Variants in CEP89 observed in about 807,000 individuals in gnomAD.
CEP89 encodes centrosomal protein of 89 kDa.
CEP89 carries 95 observed loss-of-function variants against 97.6 expected under a neutral mutation model. That is an observed-to-expected ratio of 0.97 (90% confidence interval 0.82 to 1.15). The LOEUF is 1.15. CEP89 is among the 50% of genes most tolerant of loss of function. The pLI is 0.00. For missense variants in CEP89, 869 were observed against 947.7 expected, an observed-to-expected ratio of 0.92 and a Z score of 1.09; for synonymous variants, 354 against 349.1, an observed-to-expected ratio of 1.01 and a Z score of -0.16.
In CEP89 at chr19:32,879,362, G is replaced by A. The variant is rs1388510126; in HGVS notation, c.2152C>T (p.Leu718Phe). ...AAGGTAGATTCCCAAATAACTTCAA[G>A]TTCACCTTCCATTTCTCTGAGGGAA... ...LQQNREMEGE[L>F]EVIWESTFRE... The change falls in exon 19 of 19, where the codon CTT becomes TTT. Residue 718 changes from leucine to phenylalanine, a missense_variant. Physicochemically the swap from Leu to Phe is conservative, Grantham distance 22 (BLOSUM62 0). Coordinates refer to ENST00000305768, the MANE Select transcript of CEP89 (RefSeq NM_032816.5). 6.2e-7 allele frequency: 1 copy of A among 1,613,954 alleles called. No individual in the cohort carries two copies. The highest frequency in any genetic ancestry group is 1.1e-5 in the South Asian group (1 of 91,078).
intron 17 of CEP89, among the ~76,000 whole-genome samples, chr19:32,883,981 A>C (rs1969340866): frequency 6.6e-6 from 1 of 152,158 alleles, no homozygotes; most frequent in Non-Finnish European, 1.5e-5. Flanking sequence ...ATTACTATAG[A>C]TGATGATGTA....
intron 14 of CEP89, among the ~76,000 whole-genome samples, chr19:32,903,282 T>G (rs10410304): frequency 0.16 from 24,859 of 152,174 alleles, 2,265 homozygotes; most frequent in Non-Finnish European, 0.21. Flanking sequence ...AATCTAACAC[T>G]ATTTAAAGCA....
chr19:32,939,818 T>C (rs1970651431), intron 6 of CEP89, 39 bp downstream of exon 6: 2 of 942,506 alleles, frequency 2.1e-6, no homozygotes, highest in Non-Finnish European at 3.3e-6. Flanking sequence ...AAAAACTCTA[T>C]TTATTGAGAA....
rs1024033771 is a variant in CEP89, at chr19:32,950,684, T to A, written c.493-2316A>T. Among the ~76,000 whole-genome samples, 4 of 152,198 alleles carry A rather than the reference T, an allele frequency of 2.6e-5. No individual in the cohort carries two copies. The South Asian group carries it at 8.3e-4, about 31-fold the overall frequency. ...CATACACATACCATTCCTCAGTATA[T>A]ACCCACCAGAAATACACAAATATGT... On this transcript the variant is annotated intron_variant, in intron 4 of 18. Coordinates refer to ENST00000305768, the MANE Select transcript of CEP89 (RefSeq NM_032816.5).
intron 16 of CEP89, among the ~76,000 whole-genome samples, chr19:32,894,142 C>T: frequency 6.6e-6 from 1 of 152,172 alleles, no homozygotes; most frequent in African/African-American, 2.4e-5. Context: ...GCCTGGGCAA[C>T]ATAGTGAAAA....
At chr19:32,934,303 G>C (rs1005583758) in intron 7 of CEP89, among the ~76,000 whole-genome samples, 1 of 152,210 alleles carries the variant, frequency 6.6e-6, no homozygotes, top group African/African-American at 2.4e-5. Flanking sequence ...GGCAGCCTCT[G>C]CTGGGGAGAC....
chr19:32,944,954 G>A (rs1970764839), intron 5 of CEP89, among the ~76,000 whole-genome samples: 1 of 152,170 alleles, frequency 6.6e-6, no homozygotes. Flanking sequence ...AATGAGGTAA[G>A]TAAGTTAGCC....
chr19:32,926,262 CT>C lies in CEP89; in HGVS notation c.1091del (p.Lys364SerfsTer13). 2 of 1,611,130 alleles carry C rather than the reference CT, an allele frequency of 1.2e-6. No homozygotes were observed. The highest frequency in any genetic ancestry group is 2.2e-5 in the East Asian group (1 of 44,852). Reference sequence around the variant, plus strand: ...AAGCCAGCAACAATGGTGACAGGTACTTTATATCCAACTGAAGATAGAGAGT... The same window carrying C: ...AAGCCAGCAACAATGGTGACAGGTACTTATATCCAACTGAAGATAGAGAGT... ...GPIPPWLLDIKYLSPLLLAYE... is the reference protein window; with the variant it reads ...GPIPPWLLDIXYLSPLLLAYE... On this transcript the variant is annotated frameshift_variant, in exon 11 of 19. Transcript: ENST00000305768. LOFTEE classifies it high-confidence loss of function.
chr19:32,957,520 T>C (rs1331628175), intron 3 of CEP89, among the ~76,000 whole-genome samples: 1 of 151,878 alleles, frequency 6.6e-6, no homozygotes, highest in African/African-American at 2.4e-5. Context: ...AAAATAAAAA[T>C]TAGCCTGGGC....
chr19:32,957,022 C>A (rs1971064100), intron 3 of CEP89, among the ~76,000 whole-genome samples: 1 of 152,148 alleles, frequency 6.6e-6, no homozygotes, highest in Non-Finnish European at 1.5e-5. Flanking sequence ...GCTTTCCTTC[C>A]CCTTTGAGCT....
chr19:32,958,522 T>C (rs1359278438), intron 3 of CEP89, among the ~76,000 whole-genome samples: 1 of 149,878 alleles, frequency 6.7e-6, no homozygotes, highest in Non-Finnish European at 1.5e-5. Context: ...CTACTAAAAA[T>C]ACAAAAATTA....
At position 32,953,757 on chromosome 19, in the gene CEP89, G is replaced by T. The variant is rs1391505436; in HGVS notation, c.350C>A (p.Ser117Tyr). Residue 117 changes from serine to tyrosine, a missense_variant, in exon 4 of 19, where the codon TCC becomes TAC. Coordinates refer to ENST00000305768, the MANE Select transcript of CEP89 (RefSeq NM_032816.5). ...SEMGRRSSLP[S>Y]FETLDYGDEE... ...GTCCCCATAGTCCAGTGTTTCAAAG[G>T]ATGGCAAAGAAGATCTTCTTCCCAT... 1 of 1,614,034 alleles carries T rather than the reference G, an allele frequency of 6.2e-7. No homozygotes were observed. Among genetic ancestry groups the T allele is most frequent in the Admixed American group, 1.7e-5 (1 of 59,998 alleles).
At chr19:32,898,469 T>C (rs930386891) in intron 16 of CEP89, among the ~76,000 whole-genome samples, 1 of 152,150 alleles carries the variant, frequency 6.6e-6, no homozygotes, top group Admixed American at 6.6e-5. Context: ...TACAGTTAGA[T>C]AGACGAAATA....
chr19:32,891,354 A>ACACAC lies in CEP89; in HGVS notation c.1876-3514_1876-3513insGTGTG, dbSNP rs1568545946. Among the ~76,000 whole-genome samples, 1,455 of 151,068 alleles carry ACACAC rather than the reference A, an allele frequency of 9.6e-3. 37 individuals carry two copies. In the East Asian group the frequency reaches 0.099, roughly 10 times the overall value. On this transcript the variant is annotated intron_variant, in intron 16 of 18. Transcript: ENST00000305768. ...GTTGGTTGCCCCAGGCACACACACA[A>ACACAC]ACACACACACACACACACATACACC... is the stretch of plus-strand genomic sequence containing the variant.
intron 17 of CEP89, 93 bp from the exon 18 acceptor site, chr19:32,882,106 G>A: frequency 9.4e-7 from 1 of 1,064,226 alleles, no homozygotes; most frequent in Non-Finnish European, 1.3e-6. Flanking sequence ...CTCCTTGTGT[G>A]TCAGAGCCTT....
intron 6 of CEP89, 106 bp from the exon 7 acceptor site, chr19:32,937,779 T>A: frequency 1.3e-6 from 1 of 773,558 alleles, no homozygotes; most frequent in Non-Finnish European, 2.2e-6. Flanking sequence ...GCATGCTTTA[T>A]TTCCTTCATT....
rs768215364 is a variant in CEP89, at chr19:32,923,495, T to C, written c.1212A>G (p.Glu404=). The C allele has an allele frequency of 1.2e-6, 2 of 1,611,554 alleles. No homozygotes were observed. The highest frequency in any genetic ancestry group is 3.3e-5 in the Admixed American group (2 of 59,918). Residue 404 remains glutamate, a synonymous_variant, in exon 12 of 19, where the codon GAA becomes GAG. Coordinates refer to ENST00000305768, the MANE Select transcript of CEP89 (RefSeq NM_032816.5). ...TTAACTCTTGGTGCAATTCTTCATT[T>C]TCTTTCACCACTTCTTGGACTCGCA... ...FRMRVQEVVK[E]NEELHQELNK...
intron 12 of CEP89, among the ~76,000 whole-genome samples, chr19:32,923,155 G>C (rs1568562101): frequency 6.6e-6 from 1 of 152,170 alleles, no homozygotes; most frequent in African/African-American, 2.4e-5. Flanking sequence ...CTCCAGGTCT[G>C]AGATGGAAAA....
chr19:32,959,905 C>T lies in CEP89; in HGVS notation c.300G>A (p.Arg100=), dbSNP rs757570956. 21 of 1,614,070 alleles carry T rather than the reference C, an allele frequency of 1.3e-5. No homozygotes were observed. The highest frequency in any genetic ancestry group is 1.8e-5 in the Non-Finnish European group (21 of 1,180,044). The part of the protein sequence containing the change: ...IEPYATTSQL[R]PRPNWQSEMG... Reference sequence around the variant, plus strand: ...GGCGGCGATCTGGTACCTACCGAGGCCTCAGCTGTGAGGTGGTGGCATAGG... The same window carrying T: ...GGCGGCGATCTGGTACCTACCGAGGTCTCAGCTGTGAGGTGGTGGCATAGG... The change falls in exon 3 of 19, where the codon AGG becomes AGA. Residue 100 remains arginine (R), a synonymous_variant. Coordinates refer to ENST00000305768, the MANE Select transcript of CEP89 (RefSeq NM_032816.5).
Sources: allele counts gnomAD v4.1 joint callset (sites outside exome capture counted in the v4.1 genomes callset), GRCh38; gene constraint gnomAD v4.1.1; transcripts MANE v1.5; gene names NCBI Gene and HGNC (gene_info 2026-07-23, HGNC 2026-07-21).